Variants in ANKRD24 observed in about 807,000 individuals in gnomAD.
ANKRD24 encodes ankyrin repeat domain-containing protein 24.
A neutral mutation model predicts 127.8 loss-of-function variants in ANKRD24; 109 were observed. That is an observed-to-expected ratio of 0.85 (90% CI 0.73 to 1.00). The LOEUF is 1.00. Ranked by LOEUF, ANKRD24 falls within the 50% of genes least tolerant of loss-of-function variation. ANKRD24 has a pLI of 0.00. For missense variants in ANKRD24, 1,648 were observed against 1,570.2 expected (o/e 1.05, Z -0.84); for synonymous variants, 743 against 671.1 (o/e 1.11, Z -1.66).
chr19:4,215,283 C>T (rs1328473939), intron 15 of ANKRD24, among the ~76,000 whole-genome samples: 6 of 152,090 alleles, frequency 3.9e-5, no homozygotes, highest in Non-Finnish European at 5.9e-5. Context: ...GTCAGGAGTC[C>T]GAGACCAGCC....
In ANKRD24 at chr19:4,218,166, G is replaced by C; in HGVS notation, c.3003+3G>C. The C allele has an allele frequency of 6.1e-6, 9 of 1,478,688 alleles. No homozygotes were observed. The highest frequency in any genetic ancestry group is 8.1e-6 in the Non-Finnish European group (9 of 1,112,666). 91.6% of individuals were successfully genotyped at this position (1,478,688 alleles called of 1,614,324 possible). On this transcript the variant is annotated splice_donor_region_variant and intron_variant, in intron 18 of 21. Coordinates refer to ENST00000318934, the MANE Select transcript of ANKRD24 (RefSeq NM_001393985.1). ...AGACCAGCGCAGAGGTCTTCCAGGT[G>C]AGCAGGGCTGGTCACCACCCGGGCC... is the stretch of plus-strand genomic sequence containing the variant.
At chr19:4,207,647 G>A (rs967883899) in intron 9 of ANKRD24, 40 bp downstream of exon 9, 4 of 1,607,172 alleles carry the variant, frequency 2.5e-6, no homozygotes, top group Non-Finnish European at 3.4e-6. Flanking sequence ...CCTATGCTGT[G>A]TGACCTTCGG....
intron 11 of ANKRD24, 88 bp downstream of exon 11, chr19:4,208,889 A>T (rs1434439362): frequency 7.0e-7 from 1 of 1,427,466 alleles, no homozygotes; most frequent in East Asian, 2.4e-5. Context: ...GAAGAGAAGG[A>T]AGTTAGACCT....
Position 4,224,315 on chromosome 19 carries a change from G to GC in ANKRD24, c.3364-107dup, listed in dbSNP as rs1394131655. On this transcript the variant is annotated intron_variant, in intron 21 of 21. Transcript: ENST00000318934. ...GGGGAGAGGTTCGTGGCATGTGGGA[G>GC]CCCCCCTGTGTGCATTTCCCTCCTG... is the stretch of plus-strand genomic sequence containing the variant. 2.8e-6 allele frequency: 4 copies of GC among 1,412,322 alleles called. No individual in the cohort carries two copies. In the East Asian group the frequency reaches 7.4e-5, roughly 26 times the overall value. The allele number at this position is 1,412,322 out of a possible 1,614,324, so 87.5% of individuals were successfully genotyped here.
chr19:4,199,650 G>A lies in ANKRD24; in HGVS notation c.37-33G>A, dbSNP rs1222443875. 1 of 1,507,430 alleles carries A rather than the reference G, an allele frequency of 6.6e-7. No homozygotes were observed. The highest frequency in any genetic ancestry group is 2.4e-5 in the Admixed American group (1 of 41,104). 93.4% of individuals were successfully genotyped at this position (1,507,430 alleles called of 1,614,324 possible). On this transcript the variant is annotated intron_variant, in intron 2 of 21. Coordinates refer to ENST00000318934, the MANE Select transcript of ANKRD24 (RefSeq NM_001393985.1). This position sits in a 1 kb window ranked among gnomAD's most constrained non-coding sequence, Gnocchi z 5.2. ...GCAGGCTTGGGGGACACTGTCTGAG[G>A]ACCCCCTCGCCCAGGACCACCTCCC...
At chr19:4,222,520 G>T in intron 19 of ANKRD24, 150 bp from the exon 20 acceptor site, 1 of 800,312 alleles carries the variant, frequency 1.2e-6, no homozygotes. Context: ...CTGTGGGCCA[G>T]ACGTGGCCCT....
rs1412788600 is a variant in ANKRD24 at position 4,219,816 on chromosome 19, G to A, written c.3171+58G>A. On this transcript the variant is annotated intron_variant, in intron 19 of 21. Coordinates refer to ENST00000318934, the MANE Select transcript of ANKRD24 (RefSeq NM_001393985.1). ...AGGCATCCACTCAGCAAAGGTTGGG[G>A]CCAATCTACGAAGGTCCTCACTGCA... 2.0e-6 allele frequency: 3 copies of A among 1,508,218 alleles called. No homozygotes were observed. The South Asian group carries it at 3.9e-5, about 20-fold the overall frequency. The allele number at this position is 1,508,218 out of a possible 1,614,324, so 93.4% of individuals were successfully genotyped here.
Position 4,219,583 on chromosome 19 carries a change from G to A in ANKRD24, c.3004-8G>A, listed in dbSNP as rs776563199. 1 of 1,602,060 alleles carries A rather than the reference G, an allele frequency of 6.2e-7. No individual in the cohort carries two copies. The highest frequency in any genetic ancestry group is 8.5e-7 in the Non-Finnish European group (1 of 1,171,364). On this transcript the variant is annotated splice_polypyrimidine_tract_variant and splice_region_variant and intron_variant, in intron 18 of 21. Coordinates refer to ENST00000318934, the MANE Select transcript of ANKRD24 (RefSeq NM_001393985.1). ...GTCCTGAGAGTCATGCGTGGGCTTG[G>A]GCCACAGGTGCAGCGTGAGGCCCTG...
At chr19:4,209,417 GTTT>G (rs368782082) in intron 11 of ANKRD24, among the ~76,000 whole-genome samples, 8 of 143,014 alleles carry the variant, frequency 5.6e-5, no homozygotes, top group South Asian at 2.3e-4. Context: ...CCCTCTCCTA[GTTT>G]TTTTTTTTTG....
At chr19:4,185,490 A>T (rs929245774) in intron 1 of ANKRD24, among the ~76,000 whole-genome samples, 1 of 152,080 alleles carries the variant, frequency 6.6e-6, no homozygotes, top group Non-Finnish European at 1.5e-5. Context: ...CCATCACAGA[A>T]ATCCCTTTCA....
At position 4,195,745 on chromosome 19, in the gene ANKRD24, T is replaced by C. The variant is rs946022318; in HGVS notation, c.37-3938T>C. Among the ~76,000 whole-genome samples, 1 of 152,062 alleles carries C rather than the reference T, an allele frequency of 6.6e-6. No homozygotes were observed. Among genetic ancestry groups the C allele is most frequent in the Admixed American group, 6.6e-5 (1 of 15,262 alleles). On this transcript the variant is annotated intron_variant, in intron 2 of 21. Coordinates refer to ENST00000318934, the MANE Select transcript of ANKRD24 (RefSeq NM_001393985.1). The surrounding 1 kb of genome is among the most constrained non-coding windows in gnomAD (Gnocchi z 4.2). The stretch of plus-strand genomic sequence containing the variant: ...CCCCGTCTCTACTAAAATACAAAAA[T>C]TCGCTAGGCGTGGTGGCGTGTGCCT...
At chr19:4,183,663 C>T (rs1967873112) in intron 1 of ANKRD24, among the ~76,000 whole-genome samples, 1 of 152,050 alleles carries the variant, frequency 6.6e-6, no homozygotes. Flanking sequence ...CCTGTAATCC[C>T]AGCACTTTGG....
intron 20 of ANKRD24, among the ~76,000 whole-genome samples, chr19:4,223,372 C>CATACATATATAT (rs1490877860): frequency 8.2e-5 from 6 of 72,908 alleles, no homozygotes; most frequent in African/African-American, 4.2e-4. Context: ...CCTGGCCATA[C>CATACATATATAT]ATATATATAT....
chr19:4,223,726 G>A (rs150254261), intron 20 of ANKRD24, among the ~76,000 whole-genome samples: 1,976 of 152,038 alleles, frequency 0.013, 14 homozygotes, highest in Non-Finnish European at 0.022. Flanking sequence ...CACCACTCCC[G>A]GCTAATTTTT....
At chr19:4,222,606 C>T in intron 19 of ANKRD24, 64 bp from the exon 20 acceptor site, 1 of 1,486,930 alleles carries the variant, frequency 6.7e-7, no homozygotes, top group Non-Finnish European at 9.0e-7. Context: ...CCTGCGGCTG[C>T]AGAGAGGTCC....
At position 4,207,927 on chromosome 19, in the gene ANKRD24, A is replaced by G; in HGVS notation, c.791A>G (p.His264Arg). The change falls in exon 10 of 22, where the codon CAC (histidine) becomes CGC (arginine). Residue 264 changes from histidine (H) to arginine (R), a missense_variant. His to Arg is a conservative substitution (Grantham distance 29). Transcript: ENST00000318934. ...CTGGCGGGGGACAAACTCATCCTGC[A>G]CCTTCTGCAAGAGGCGGCCCAGCGC... ...GALAGDKLIL[H>R]LLQEAAQRPS... The G allele has an allele frequency of 6.5e-7, 1 of 1,545,008 alleles. No homozygotes were observed. Among genetic ancestry groups the G allele is most frequent in the Admixed American group, 2.1e-5 (1 of 46,958 alleles).
chr19:4,223,399 A>ATTT (rs1248797551), intron 20 of ANKRD24, among the ~76,000 whole-genome samples: 33 of 56,348 alleles, frequency 5.9e-4, no homozygotes, highest in African/African-American at 2.3e-3. Context: ...ATATATATAT[A>ATTT]TATTTTTTTT....
intron 2 of ANKRD24, among the ~76,000 whole-genome samples, chr19:4,193,277 G>A (rs1159403089): frequency 4.8e-5 from 3 of 61,876 alleles, no homozygotes; most frequent in East Asian, 5.1e-4. Context: ...ACTCCAGTCT[G>A]GGCAATAGAG....
chr19:4,209,114 G>A (rs960109931), intron 11 of ANKRD24: 22 of 259,692 alleles, frequency 8.5e-5, no homozygotes, highest in Non-Finnish European at 1.5e-4. Flanking sequence ...CAGTTTTTTT[G>A]TGTTTTTTTT....
Sources: gnomAD v4.1 joint callset for allele counts (sites outside exome capture counted in the v4.1 genomes callset) on GRCh38, gnomAD v4.1.1 for gene constraint, Gnocchi (gnomAD v3.1) non-coding constraint, MANE v1.5 for transcripts, NCBI Gene and HGNC (gene_info 2026-07-23, HGNC 2026-07-21) for gene names.